ZNF775: variants seen among roughly 807,000 people sequenced by gnomAD.
ZNF775 encodes zinc finger protein 775.
A neutral mutation model predicts 2.4 loss-of-function variants in ZNF775; 1 was observed. The observed-to-expected ratio is 0.41, with a 90% CI of 0.15 to 1.94. ZNF775 has a LOEUF of 1.94. Among genes scored for constraint, ZNF775 ranks in the 30% most tolerant of loss-of-function variants. The pLI is 0.30. For synonymous variants in ZNF775, 381 were observed against 373.3 expected (o/e 1.02, Z -0.24); for missense variants, 823 against 826.6 (o/e 1.00, Z 0.05).
At chr7:150,385,196 G>A (rs1366773275) in intron 1 of ZNF775, among the ~76,000 whole-genome samples, 3 of 152,142 alleles carry the variant, frequency 2.0e-5, no homozygotes, top group Admixed American at 6.5e-5. Context: ...CCCACTGCTC[G>A]CCTTTTCTCT....
intron 1 of ZNF775, among the ~76,000 whole-genome samples, chr7:150,385,844 C>T (rs1221489910): frequency 6.6e-6 from 1 of 152,058 alleles, no homozygotes; most frequent in Non-Finnish European, 1.5e-5. Flanking sequence ...AGGCTCCTAC[C>T]CTCCCATGGA....
intron 2 of ZNF775, among the ~76,000 whole-genome samples, chr7:150,394,932 T>G (rs1396375676): frequency 6.6e-6 from 1 of 152,242 alleles, no homozygotes; most frequent in Non-Finnish European, 1.5e-5. Context: ...TTTTGCCCAC[T>G]TCCATTCTTG....
At chr7:150,394,637 C>A (rs1029829150) in intron 2 of ZNF775, among the ~76,000 whole-genome samples, 1 of 147,734 alleles carries the variant, frequency 6.8e-6, no homozygotes, top group Non-Finnish European at 1.5e-5. Flanking sequence ...GCTTTCTTCT[C>A]TCTCTCTCTC....
At chr7:150,395,278 C>T (rs1469095120) in intron 2 of ZNF775, among the ~76,000 whole-genome samples, 1 of 152,122 alleles carries the variant, frequency 6.6e-6, no homozygotes, top group Non-Finnish European at 1.5e-5. Context: ...CTACATGTCC[C>T]TTATCTATAA....
intron 2 of ZNF775, among the ~76,000 whole-genome samples, chr7:150,394,200 C>A (rs1475344901): frequency 6.6e-6 from 1 of 152,108 alleles, no homozygotes; most frequent in African/African-American, 2.4e-5. Context: ...CTTTAGTTTT[C>A]TTTATCTCTT....
chr7:150,392,545 ATC>A (rs56067146), intron 2 of ZNF775, among the ~76,000 whole-genome samples: 3,335 of 136,538 alleles, frequency 0.024, 68 homozygotes, highest in African/African-American at 0.047. Flanking sequence ...TCCCAAATGG[ATC>A]TCTCTCTCTC....
chr7:150,397,307 G>T lies in ZNF775; in HGVS notation c.826G>T (p.Gly276Cys), dbSNP rs571234693. Reference sequence around the variant, plus strand: ...CGCGGTCTCCGGCCCCGAGGGGCCGGGCGAGCCGCGCCAGTTCATCTGCAA... The same window carrying T: ...CGCGGTCTCCGGCCCCGAGGGGCCGTGCGAGCCGCGCCAGTTCATCTGCAA... ...RAAVSGPEGP[G>C]EPRQFICNEC... Residue 276 changes from glycine to cysteine, a missense_variant, in exon 3 of 3, where the codon GGC becomes TGC. Coordinates refer to ENST00000329630, the MANE Select transcript of ZNF775 (RefSeq NM_173680.4). 29 of 1,574,206 alleles carry T rather than the reference G, an allele frequency of 1.8e-5. No homozygotes were observed. In the South Asian group the frequency reaches 3.1e-4, roughly 17 times the overall value.
At chr7:150,383,852 G>C (rs1800404623) in intron 1 of ZNF775, 1 of 152,746 alleles carries the variant, frequency 6.5e-6, no homozygotes, top group South Asian at 2.1e-4. Context: ...GAGGCTGTGA[G>C]AGCTGTGCTG....
intron 2 of ZNF775, among the ~76,000 whole-genome samples, chr7:150,389,438 C>A (rs1800517634): frequency 6.6e-6 from 1 of 152,264 alleles, no homozygotes; most frequent in Non-Finnish European, 1.5e-5. Flanking sequence ...TGTGTGGACA[C>A]AGACCCTCAG....
At chr7:150,387,126 C>T (rs763767671) in intron 1 of ZNF775, among the ~76,000 whole-genome samples, 10 of 152,046 alleles carry the variant, frequency 6.6e-5, no homozygotes, top group Middle Eastern at 6.8e-3. Context: ...GAAACCCTGT[C>T]TCTACTAAAA....
At chr7:150,388,132 AC>A in intron 1 of ZNF775, among the ~76,000 whole-genome samples, 1 of 151,756 alleles carries the variant, frequency 6.6e-6, no homozygotes, top group South Asian at 2.1e-4. Context: ...GAGTTAGAAG[AC>A]CTGGGTTTTT....
At chr7:150,380,047 T>C (rs1800333771) in intron 1 of ZNF775, 1 of 152,128 alleles carries the variant, frequency 6.6e-6, no homozygotes, top group Admixed American at 6.5e-5. Context: ...TGAGGATATC[T>C]ACATGTGGAA....
At chr7:150,390,325 G>A (rs1404912835) in intron 2 of ZNF775, among the ~76,000 whole-genome samples, 1 of 152,252 alleles carries the variant, frequency 6.6e-6, no homozygotes, top group South Asian at 2.1e-4. Context: ...AGTCATTTGC[G>A]TCCGCCAGGG....
In ZNF775 at chr7:150,386,269, G is replaced by T. The variant is rs200632437; in HGVS notation, c.-49-2153G>T. 2.5e-4 allele frequency among the ~76,000 whole-genome samples: 38 copies of T among 152,150 alleles called. No individual in the cohort carries two copies. The East Asian group carries it at 6.6e-3, about 26-fold the overall frequency. On this transcript the variant is annotated intron_variant, in intron 1 of 2. Coordinates refer to ENST00000329630, the MANE Select transcript of ZNF775 (RefSeq NM_173680.4). ...CTTTTAAAAAGATTTATTTCTACTT[G>T]AGGAGCATTTACTGCAAAAATAAAA...
In ZNF775 at chr7:150,397,564, C is replaced by T. The variant is rs1161085284; in HGVS notation, c.1083C>T (p.Pro361=). Residue 361 remains proline, a synonymous_variant, in exon 3 of 3, where the codon CCC becomes CCT. Coordinates refer to ENST00000329630, the MANE Select transcript of ZNF775 (RefSeq NM_173680.4). ...HLLKHLRTHL[P]GAQAAPCPSC... The stretch of plus-strand genomic sequence containing the variant: ...TCAAGCACCTGCGCACGCACCTGCC[C>T]GGCGCCCAGGCTGCGCCCTGCCCCA... The T allele has an allele frequency of 4.0e-6, 6 of 1,515,878 alleles. No individual in the cohort carries two copies. Among genetic ancestry groups the T allele is most frequent in the Non-Finnish European group, 5.3e-6 (6 of 1,139,494 alleles). 93.9% of individuals were successfully genotyped at this position (1,515,878 alleles called of 1,614,324 possible). A position where few individuals can be genotyped will look rare whatever the true frequency, so the allele number is the denominator to read the frequency against.
chr7:150,389,511 C>A (rs1438756872), intron 2 of ZNF775, among the ~76,000 whole-genome samples: 4 of 152,256 alleles, frequency 2.6e-5, no homozygotes, highest in Non-Finnish European at 5.9e-5. Flanking sequence ...AGCACCCTAG[C>A]TGCATGTGTG....
At chr7:150,396,370 C>T in intron 2 of ZNF775, 143 bp from the exon 3 acceptor site, 2 of 1,004,100 alleles carry the variant, frequency 2.0e-6, no homozygotes, top group Non-Finnish European at 1.4e-6. Flanking sequence ...AAAAATCTTT[C>T]CCTTCTGCCT....
At chr7:150,392,368 C>T (rs1466490638) in intron 2 of ZNF775, among the ~76,000 whole-genome samples, 1 of 152,098 alleles carries the variant, frequency 6.6e-6, no homozygotes, top group Non-Finnish European at 1.5e-5. Flanking sequence ...ATTATGTGTA[C>T]TGTACATTAT....
chr7:150,393,350 C>T (rs753710206), intron 2 of ZNF775, among the ~76,000 whole-genome samples: 1 of 152,184 alleles, frequency 6.6e-6, no homozygotes, highest in South Asian at 2.1e-4. Context: ...TTCCATCATG[C>T]GGAGTTATCC....
Sources: allele counts gnomAD v4.1 joint callset (sites outside exome capture counted in the v4.1 genomes callset), GRCh38; gene constraint gnomAD v4.1.1; transcripts MANE v1.5; gene names NCBI Gene and HGNC (gene_info 2026-07-23, HGNC 2026-07-21).